The following ELMO1 variants were observed in gnomAD, a reference collection of about 807,000 sequenced individuals.
The protein encoded by ELMO1 is engulfment and cell motility 1.
Under a neutral mutation model 98.9 loss-of-function variants are expected in ELMO1, and 26 were observed. That is an observed-to-expected ratio of 0.26 (90% CI 0.19 to 0.36). The LOEUF (loss-of-function observed/expected upper bound fraction) is 0.36, where lower values mean the gene tolerates loss of function less well. Ranked by LOEUF, ELMO1 falls within the 10% of genes least tolerant of loss-of-function variation. The pLI, the probability that ELMO1 is intolerant of heterozygous loss-of-function variation, is 1.00. For missense variants in ELMO1, 627 were observed against 935.2 expected (o/e 0.67, Z 4.30); for synonymous variants, 346 against 346.0 (o/e 1.00, Z 0.00).
chr7:37,239,981 T>C (rs892952405), intron 7 of ELMO1, among the ~76,000 whole-genome samples: 2 of 152,178 alleles, frequency 1.3e-5, no homozygotes, highest in Non-Finnish European at 2.9e-5. Flanking sequence ...CTAACACATT[T>C]GGTAAATCTG....
chr7:37,031,164 G>A (rs1374793361), intron 15 of ELMO1, among the ~76,000 whole-genome samples: 1 of 152,038 alleles, frequency 6.6e-6, no homozygotes, highest in Non-Finnish European at 1.5e-5. Context: ...CCAGTCTCGG[G>A]ACAGATCCAT....
At chr7:36,912,339 G>A (rs1189084358) in intron 16 of ELMO1, among the ~76,000 whole-genome samples, 5 of 152,142 alleles carry the variant, frequency 3.3e-5, no homozygotes, top group East Asian at 1.9e-4. Context: ...GTGCTGCCAC[G>A]CCCAACTCTC....
At position 37,222,681 on chromosome 7, in the gene ELMO1, T is replaced by A. The variant is rs537643098; in HGVS notation, c.714A>T (p.Glu238Asp). Residue 238 changes from glutamate (E) to aspartate (D), a missense_variant, in exon 10 of 22, where the codon GAA becomes GAT. Physicochemically the swap from Glu to Asp is conservative, Grantham distance 45. This residue lies in a region of ELMO1 where 492 missense variants were observed against 715.6 expected (regional missense o/e 0.69). Coordinates refer to ENST00000310758, the MANE Select transcript of ELMO1 (RefSeq NM_014800.11). ...TCACTGCAATAGTATAGGTTTGGAT[T>A]TCTTGATCTGACCTGTAAAGATAGA... ...LIPHLQGSDQ[E>D]IQTYTIAVIN... 1 of 1,613,918 alleles carries A rather than the reference T, an allele frequency of 6.2e-7. No individual in the cohort carries two copies. The highest frequency in any genetic ancestry group is 1.3e-5 in the African/African-American group (1 of 75,034).
chr7:37,081,856 C>A (rs545288163), intron 15 of ELMO1, among the ~76,000 whole-genome samples: 1 of 152,234 alleles, frequency 6.6e-6, no homozygotes. Context: ...ATGAACCCTG[C>A]GAGGCCTTAC....
intron 14 of ELMO1, among the ~76,000 whole-genome samples, chr7:37,097,567 G>A (rs778386305): frequency 3.3e-5 from 5 of 151,194 alleles, no homozygotes; most frequent in Non-Finnish European, 7.4e-5. Context: ...CTGAGTGACA[G>A]AGTGAGAATC....
rs1490117295 is a variant in ELMO1 at position 37,138,031 on chromosome 7, A to C, written c.1087-4797T>G. On this transcript the variant is annotated intron_variant, in intron 13 of 21. Transcript: ENST00000310758. ...GGAAATTAAAAAAATATTTGAACTGAATGATAATAGTGACACAACCTATCA... is the reference window on the plus strand; with the variant it reads ...GGAAATTAAAAAAATATTTGAACTGCATGATAATAGTGACACAACCTATCA... Among the ~76,000 whole-genome samples, 5 of 152,182 alleles carry C rather than the reference A, an allele frequency of 3.3e-5. No homozygotes were observed. The East Asian group carries it at 9.6e-4, about 29-fold the overall frequency.
At chr7:37,141,261 T>G (rs1404351810) in intron 13 of ELMO1, among the ~76,000 whole-genome samples, 3 of 152,182 alleles carry the variant, frequency 2.0e-5, no homozygotes, top group Non-Finnish European at 2.9e-5. Flanking sequence ...TGGAGACTGT[T>G]AATCTAAGTG....
intron 1 of ELMO1, among the ~76,000 whole-genome samples, chr7:37,433,472 C>T (rs1805018376): frequency 6.6e-6 from 1 of 152,162 alleles, no homozygotes; most frequent in Admixed American, 6.5e-5. Flanking sequence ...GGTCCAGGCA[C>T]TTCACTCACA....
At chr7:37,041,263 A>C (rs1795493318) in intron 15 of ELMO1, among the ~76,000 whole-genome samples, 2 of 152,192 alleles carry the variant, frequency 1.3e-5, no homozygotes, top group South Asian at 4.1e-4. Flanking sequence ...CCTTAGGGGA[A>C]AGGAATAACA....
chr7:36,878,020 C>T lies in ELMO1; in HGVS notation c.1812G>A (p.Leu604=). Reference sequence around the variant, plus strand: ...AGGAGAGCTACTTACGTTTGTCCTGCAAGGAATCGTGGGGCACTTCTCCCT... The same window carrying T: ...AGGAGAGCTACTTACGTTTGTCCTGTAAGGAATCGTGGGGCACTTCTCCCT... ...SPQGEVPHDS[L]QDKLPVADIK... The change falls in exon 19 of 22, where the codon TTG becomes TTA. Residue 604 remains leucine (L), a synonymous_variant. Coordinates refer to ENST00000310758, the MANE Select transcript of ELMO1 (RefSeq NM_014800.11). The T allele has an allele frequency of 6.2e-7, 1 of 1,613,748 alleles. No homozygotes were observed. The highest frequency in any genetic ancestry group is 8.5e-7 in the Non-Finnish European group (1 of 1,179,764).
At chr7:37,165,710 T>A (rs1789626698) in intron 13 of ELMO1, among the ~76,000 whole-genome samples, 1 of 152,166 alleles carries the variant, frequency 6.6e-6, no homozygotes, top group East Asian at 1.9e-4. Flanking sequence ...GTGGATAAGC[T>A]TTTTGATGTG....
In ELMO1 at chr7:37,342,305, G is replaced by A. The variant is rs569053024; in HGVS notation, c.78+308C>T. Among the ~76,000 whole-genome samples, 3 of 152,314 alleles carry A rather than the reference G, an allele frequency of 2.0e-5. No individual in the cohort carries two copies. The South Asian group carries it at 6.2e-4, about 32-fold the overall frequency. On this transcript the variant is annotated intron_variant, in intron 2 of 21. Coordinates refer to ENST00000310758, the MANE Select transcript of ELMO1 (RefSeq NM_014800.11). The surrounding 1 kb of genome is among the most constrained non-coding windows in gnomAD (Gnocchi z 4.3). ...TGCACATATCCATGTGTCATGGCAAGGCAGGGATGGGGCAGCCTCCACTGT... is the reference window on the plus strand; with the variant it reads ...TGCACATATCCATGTGTCATGGCAAAGCAGGGATGGGGCAGCCTCCACTGT...
intron 1 of ELMO1, among the ~76,000 whole-genome samples, chr7:37,441,642 T>C (rs1270386085): frequency 4.6e-5 from 7 of 152,344 alleles, no homozygotes; most frequent in Non-Finnish European, 7.3e-5. Flanking sequence ...ATTTCATTTA[T>C]CTTATTGCCA....
chr7:37,301,713 G>A (rs1008523512), intron 4 of ELMO1, among the ~76,000 whole-genome samples: 4 of 152,192 alleles, frequency 2.6e-5, no homozygotes, highest in African/African-American at 9.7e-5. Context: ...GGTAAAGGCG[G>A]TGAATCCCAA....
intron 15 of ELMO1, among the ~76,000 whole-genome samples, chr7:37,042,956 T>C (rs1465841753): frequency 1.3e-5 from 2 of 152,248 alleles, no homozygotes; most frequent in Non-Finnish European, 1.5e-5. Context: ...TATTTGTTCA[T>C]TGCCTATCTC....
At chr7:37,221,002 C>T (rs186749555) in intron 10 of ELMO1, among the ~76,000 whole-genome samples, 5 of 152,266 alleles carry the variant, frequency 3.3e-5, no homozygotes, top group Admixed American at 6.5e-5. Flanking sequence ...AACTTCCGGG[C>T]TGCTTGGGAG....
intron 15 of ELMO1, among the ~76,000 whole-genome samples, chr7:37,025,934 T>TATCTATC (rs1241009017): frequency 6.7e-6 from 1 of 149,640 alleles, no homozygotes; most frequent in East Asian, 1.9e-4. Context: ...TCTATCTATC[T>TATCTATC]ATTTTTTTCT....
At chr7:37,124,381 A>C (rs994770773) in intron 14 of ELMO1, among the ~76,000 whole-genome samples, 12 of 152,310 alleles carry the variant, frequency 7.9e-5, no homozygotes, top group Non-Finnish European at 1.3e-4. Context: ...TTTTTCTAGA[A>C]AACCCCATCA....
At chr7:37,426,148 T>C (rs1458242414) in intron 1 of ELMO1, among the ~76,000 whole-genome samples, 6 of 135,402 alleles carry the variant, frequency 4.4e-5, no homozygotes, top group Non-Finnish European at 7.9e-5. Flanking sequence ...CTTTCTTTTT[T>C]TTTTTTTTTT....
Sources: gnomAD v4.1 joint callset for allele counts (sites outside exome capture counted in the v4.1 genomes callset) on GRCh38, gnomAD v4.1.1 for gene constraint, gnomAD v4.1.1 regional missense constraint, Gnocchi (gnomAD v3.1) non-coding constraint, MANE v1.5 for transcripts, NCBI Gene and HGNC (gene_info 2026-07-23, HGNC 2026-07-21) for gene names.